The following RBFOX1 variants were observed in gnomAD, a reference collection of about 807,000 sequenced individuals.
RBFOX1 encodes the protein RNA binding protein fox-1 homolog 1.
A neutral mutation model predicts 57.7 loss-of-function variants in RBFOX1; 8 were observed. That is an observed-to-expected ratio of 0.14 (90% CI 0.08 to 0.25). The LOEUF (loss-of-function observed/expected upper bound fraction) is 0.25, where lower values mean the gene tolerates loss of function less well. Ranked by LOEUF, RBFOX1 falls within the 10% of genes least tolerant of loss-of-function variation. The pLI, the probability that RBFOX1 is intolerant of heterozygous loss-of-function variation, is 1.00. For missense variants in RBFOX1, 611 were observed against 548.5 expected (o/e 1.11, Z -1.14); for synonymous variants, 326 against 222.4 (o/e 1.47, Z -4.15).
At chr16:6,744,272 C>A (rs942646864) in intron 3 of RBFOX1, among the ~76,000 whole-genome samples, 1 of 152,054 alleles carries the variant, frequency 6.6e-6, no homozygotes. Context: ...CAGTGCTAGT[C>A]TCTCAATAAC....
intron 11 of RBFOX1, among the ~76,000 whole-genome samples, chr16:7,647,723 G>C (rs956435328): frequency 2.0e-5 from 3 of 152,136 alleles, no homozygotes; most frequent in African/African-American, 7.2e-5. Flanking sequence ...TAGAAATGGA[G>C]AGAACATTGT....
At chr16:5,354,406 G>A (rs1042237970) in intron 1 of RBFOX1, among the ~76,000 whole-genome samples, 2 of 152,098 alleles carry the variant, frequency 1.3e-5, no homozygotes, top group Non-Finnish European at 2.9e-5. Context: ...ACCACTTATG[G>A]GCCATGTGAC....
intron 4 of RBFOX1, among the ~76,000 whole-genome samples, chr16:7,096,672 C>A (rs547421924): frequency 6.6e-6 from 1 of 152,216 alleles, no homozygotes; most frequent in East Asian, 1.9e-4. Flanking sequence ...TGGCTCATGC[C>A]TGTAATCCCA....
intron 1 of RBFOX1, among the ~76,000 whole-genome samples, chr16:6,095,360 C>T (rs139431697): frequency 6.6e-6 from 1 of 152,174 alleles, no homozygotes; most frequent in African/African-American, 2.4e-5. Context: ...AGAGTAGGAG[C>T]TCATGAAACT....
intron 1 of RBFOX1, among the ~76,000 whole-genome samples, chr16:5,392,327 A>G (rs1403509232): frequency 1.3e-5 from 2 of 152,162 alleles, no homozygotes; most frequent in East Asian, 3.9e-4. Context: ...TAGTCACATC[A>G]TATTAGGACT....
At chr16:5,359,087 A>G (rs536973053) in intron 1 of RBFOX1, among the ~76,000 whole-genome samples, 1 of 152,182 alleles carries the variant, frequency 6.6e-6, no homozygotes, top group South Asian at 2.1e-4. Flanking sequence ...TGCCTGGCTT[A>G]TTTCACTTAG....
chr16:6,820,490 A>G (rs1230763510), intron 3 of RBFOX1, among the ~76,000 whole-genome samples: 1 of 152,154 alleles, frequency 6.6e-6, no homozygotes, highest in Non-Finnish European at 1.5e-5. Flanking sequence ...AACCGTCTCT[A>G]CAGAAAAAGT....
At chr16:7,577,124 G>A (rs905118680) in intron 5 of RBFOX1, among the ~76,000 whole-genome samples, 5 of 152,202 alleles carry the variant, frequency 3.3e-5, no homozygotes, top group Non-Finnish European at 7.3e-5. Flanking sequence ...ACTTCTTCAT[G>A]CATTTGTTTA....
At chr16:7,250,009 A>G (rs1436329328) in intron 4 of RBFOX1, among the ~76,000 whole-genome samples, 1 of 152,208 alleles carries the variant, frequency 6.6e-6, no homozygotes, top group South Asian at 2.1e-4. Flanking sequence ...TGCCATTTTT[A>G]TAAAAAATAG....
At chr16:6,431,533 T>C (rs2094084719) in intron 2 of RBFOX1, among the ~76,000 whole-genome samples, 1 of 151,992 alleles carries the variant, frequency 6.6e-6, no homozygotes, top group Admixed American at 6.6e-5. Flanking sequence ...CAGAGAAATC[T>C]ACAAGCAGAT....
intron 4 of RBFOX1, among the ~76,000 whole-genome samples, chr16:7,460,570 T>TGAAA (rs2059401299): frequency 1.4e-5 from 2 of 144,236 alleles, no homozygotes; most frequent in African/African-American, 5.5e-5. Context: ...TACCAGAGGG[T>TGAAA]GGAAGGTAGG....
intron 4 of RBFOX1, among the ~76,000 whole-genome samples, chr16:7,399,210 G>C (rs969583405): frequency 1.2e-4 from 19 of 152,362 alleles, no homozygotes; most frequent in Middle Eastern, 3.4e-3. Context: ...CATTTTGGGA[G>C]GCCGAAGCAG....
chr16:7,339,336 C>G (rs2096850008), intron 4 of RBFOX1, among the ~76,000 whole-genome samples: 1 of 152,186 alleles, frequency 6.6e-6, no homozygotes, highest in African/African-American at 2.4e-5. Flanking sequence ...CACTCTAGAT[C>G]TCTTCCAACA....
chr16:7,540,068 A>G (rs560260720), intron 5 of RBFOX1, among the ~76,000 whole-genome samples: 1 of 152,318 alleles, frequency 6.6e-6, no homozygotes, highest in Admixed American at 6.5e-5. Flanking sequence ...CATGTATGTC[A>G]TTATTGCTAC....
intron 4 of RBFOX1, among the ~76,000 whole-genome samples, chr16:7,244,283 TTTTC>T: frequency 6.7e-6 from 1 of 149,468 alleles, no homozygotes; most frequent in East Asian, 2.0e-4. Context: ...ACCCTTGGGC[TTTTC>T]ATTAACTACA....
At chr16:5,370,878 T>C (rs1249628481) in intron 1 of RBFOX1, among the ~76,000 whole-genome samples, 4 of 152,224 alleles carry the variant, frequency 2.6e-5, no homozygotes, top group Admixed American at 2.0e-4. Flanking sequence ...GGATCAAGAC[T>C]ATGTTTCCCT....
chr16:7,409,124 C>T (rs1056361735), intron 4 of RBFOX1, among the ~76,000 whole-genome samples: 3 of 152,232 alleles, frequency 2.0e-5, no homozygotes, highest in Admixed American at 6.5e-5. Context: ...TAAGCCAGAT[C>T]AGCAGAATCC....
Position 6,821,586 on chromosome 16 carries a change from C to T in RBFOX1, c.-16+166936C>T, listed in dbSNP as rs62017673. Among the ~76,000 whole-genome samples, 671 of 152,242 alleles carry T rather than the reference C, an allele frequency of 4.4e-3. 4 individuals carry two copies. The highest frequency in any genetic ancestry group is 7.1e-3 in the Non-Finnish European group (485 of 68,020). On this transcript the variant is annotated intron_variant, in intron 3 of 15. Transcript: ENST00000550418. ...CCCCCAACCGCTGGTAACCACTGGT[C>T]GGTCTGTCACAATGGATGTGTCCGT...
At chr16:7,580,020 G>A (rs1296076453) in intron 6 of RBFOX1, 100 bp downstream of exon 6, 3 of 1,308,706 alleles carry the variant, frequency 2.3e-6, no homozygotes, top group Non-Finnish European at 2.1e-6. Context: ...AAGGTTAGAT[G>A]TTTGTATGGG....
Sources: gnomAD v4.1 joint callset for allele counts (sites outside exome capture counted in the v4.1 genomes callset) on GRCh38, gnomAD v4.1.1 for gene constraint, MANE v1.5 for transcripts, NCBI Gene and HGNC (gene_info 2026-07-23, HGNC 2026-07-21) for gene names.